VSTM4: variants seen among roughly 807,000 people sequenced by gnomAD.
The protein encoded by VSTM4 is V-set and transmembrane domain containing 4.
Under a neutral mutation model 36.4 loss-of-function variants are expected in VSTM4, and 20 were observed. The observed-to-expected ratio is 0.55, with a 90% CI of 0.39 to 0.80. The LOEUF (loss-of-function observed/expected upper bound fraction) is 0.80. Ranked by LOEUF, VSTM4 falls within the 30% of genes least tolerant of loss-of-function variation. The pLI, the probability that VSTM4 is intolerant of heterozygous loss-of-function variation, is 0.00. For missense variants in VSTM4, 392 were observed against 404.5 expected (o/e 0.97, Z 0.26); for synonymous variants, 182 against 173.9 (o/e 1.05, Z -0.37).
At chr10:49,056,280 G>GT (rs1378417315) in intron 5 of VSTM4, among the ~76,000 whole-genome samples, 1 of 152,234 alleles carries the variant, frequency 6.6e-6, no homozygotes, top group East Asian at 1.9e-4. Context: ...CCAGGCTGGC[G>GT]TTTTTGTTTG....
At chr10:49,033,684 C>T (rs750220335) in intron 7 of VSTM4, among the ~76,000 whole-genome samples, 1 of 152,148 alleles carries the variant, frequency 6.6e-6, no homozygotes, top group Non-Finnish European at 1.5e-5. Flanking sequence ...TGGCCAAGTG[C>T]CTGGTTGGAG....
chr10:49,028,140 T>G (rs929671988), intron 7 of VSTM4, among the ~76,000 whole-genome samples: 1 of 152,236 alleles, frequency 6.6e-6, no homozygotes, highest in African/African-American at 2.4e-5. Context: ...CTTTCCCTTA[T>G]GCTTAAGGAA....
At chr10:49,037,118 T>C (rs1279802299) in intron 7 of VSTM4, among the ~76,000 whole-genome samples, 1 of 152,198 alleles carries the variant, frequency 6.6e-6, no homozygotes, top group Non-Finnish European at 1.5e-5. Context: ...TTTAGAATTC[T>C]CATATTTAGT....
chr10:49,045,419 A>C (rs540027844), intron 7 of VSTM4, among the ~76,000 whole-genome samples: 1 of 152,360 alleles, frequency 6.6e-6, no homozygotes, highest in Admixed American at 6.5e-5. Flanking sequence ...ATTAAGGGAA[A>C]TAGAAAATCA....
intron 2 of VSTM4, among the ~76,000 whole-genome samples, chr10:49,095,299 C>T (rs1384073773): frequency 6.6e-6 from 1 of 152,094 alleles, no homozygotes; most frequent in Non-Finnish European, 1.5e-5. Flanking sequence ...ATTTTCTCTG[C>T]CATGTCTCCA....
intron 3 of VSTM4, among the ~76,000 whole-genome samples, chr10:49,078,476 C>T (rs904453517): frequency 6.3e-5 from 9 of 143,930 alleles, no homozygotes; most frequent in African/African-American, 2.3e-4. Context: ...AACAAACTAT[C>T]GACACACACA....
intron 7 of VSTM4, among the ~76,000 whole-genome samples, chr10:49,046,534 C>A (rs2246937): frequency 0.79 from 120,190 of 152,194 alleles, 49,548 homozygotes; most frequent in Non-Finnish European, 0.92. Flanking sequence ...ATGTAAGAAA[C>A]CAACACTAAG....
At chr10:49,076,373 C>T (rs984248389) in intron 4 of VSTM4, among the ~76,000 whole-genome samples, 5 of 152,148 alleles carry the variant, frequency 3.3e-5, no homozygotes, top group Non-Finnish European at 5.9e-5. Context: ...TCCTCCATGT[C>T]GCAGATGAGG....
chr10:49,047,517 T>C (rs1409619596), intron 6 of VSTM4, among the ~76,000 whole-genome samples: 1 of 152,188 alleles, frequency 6.6e-6, no homozygotes, highest in Admixed American at 6.5e-5. Context: ...TTGAACCATT[T>C]AGGATTTGAA....
chr10:49,113,945 G>A (rs1197971677), intron 1 of VSTM4, among the ~76,000 whole-genome samples: 4 of 152,034 alleles, frequency 2.6e-5, no homozygotes, highest in African/African-American at 7.2e-5. Context: ...CAAGGCTCCC[G>A]AGGGCTCTGG....
At position 49,097,770 on chromosome 10, in the gene VSTM4, T is replaced by C. The variant is rs558603628; in HGVS notation, c.457+9824A>G. ...TGAGACATTTTGGCCCCCTAAAATA[T>C]GAAATTGTCATCTCATTTCAAAGGT... On this transcript the variant is annotated intron_variant, in intron 2 of 7. Transcript: ENST00000332853. Among the ~76,000 whole-genome samples the C allele has an allele frequency of 1.1e-4, 16 of 152,364 alleles. No individual in the cohort carries two copies. In the South Asian group the frequency reaches 2.7e-3, roughly 26 times the overall value.
chr10:49,028,140 T>C (rs929671988), intron 7 of VSTM4, among the ~76,000 whole-genome samples: 1 of 152,236 alleles, frequency 6.6e-6, no homozygotes, highest in Non-Finnish European at 1.5e-5. Flanking sequence ...CTTTCCCTTA[T>C]GCTTAAGGAA....
intron 1 of VSTM4, 119 bp from the exon 2 acceptor site, chr10:49,108,114 G>T (rs1844824168): frequency 2.2e-6 from 3 of 1,364,684 alleles, no homozygotes; most frequent in African/African-American, 1.5e-5. Context: ...GCTCTGCCTG[G>T]CCAGAGAAGC....
chr10:49,044,424 AAAAAG>A (rs1006349326), intron 7 of VSTM4, among the ~76,000 whole-genome samples: 4 of 151,146 alleles, frequency 2.6e-5, no homozygotes, highest in African/African-American at 9.7e-5. Context: ...AGAAAGAAAG[AAAAAG>A]AAAAGAAGGA....
chr10:49,102,816 G>T, intron 2 of VSTM4: 1 of 896,408 alleles, frequency 1.1e-6, no homozygotes, highest in Non-Finnish European at 1.3e-6. Context: ...ACCAGGCACT[G>T]TTGCAGGCAT....
chr10:49,088,858 G>A (rs969691687), intron 2 of VSTM4, among the ~76,000 whole-genome samples: 4 of 152,190 alleles, frequency 2.6e-5, no homozygotes, highest in African/African-American at 7.2e-5. Flanking sequence ...TGGTTTCCAG[G>A]AGGCCAAGGA....
chr10:49,077,441 G>A, intron 3 of VSTM4, 115 bp from the exon 4 acceptor site: 1 of 922,268 alleles, frequency 1.1e-6, no homozygotes, highest in Non-Finnish European at 1.7e-6. Flanking sequence ...CAGTCAACAA[G>A]GCAGTGTGGT....
chr10:49,032,719 C>T (rs530194741), intron 7 of VSTM4, among the ~76,000 whole-genome samples: 2 of 152,190 alleles, frequency 1.3e-5, no homozygotes, highest in Non-Finnish European at 2.9e-5. Context: ...GAAACTCTTT[C>T]TTTCTTTTAG....
At chr10:49,093,615 G>A (rs1384473146) in intron 2 of VSTM4, among the ~76,000 whole-genome samples, 1 of 152,052 alleles carries the variant, frequency 6.6e-6, no homozygotes, top group East Asian at 1.9e-4. Flanking sequence ...TCTCTCTATG[G>A]AATGTGTGGC....
Sources: allele counts gnomAD v4.1 joint callset (sites outside exome capture counted in the v4.1 genomes callset), GRCh38; gene constraint gnomAD v4.1.1; transcripts MANE v1.5; gene names NCBI Gene and HGNC (gene_info 2026-07-23, HGNC 2026-07-21).